ZC3H12B: variants seen among roughly 807,000 people sequenced by gnomAD.
ZC3H12B encodes zinc finger CCCH-type containing 12B.
In ZC3H12B, 7 loss-of-function variants were observed where a neutral mutation model predicts 43.9. The observed-to-expected ratio is 0.16, with a 90% confidence interval of 0.09 to 0.30. The LOEUF (loss-of-function observed/expected upper bound fraction) is 0.30. Ranked by LOEUF, ZC3H12B falls within the 10% of genes least tolerant of loss-of-function variation. The pLI is 1.00. For synonymous variants in ZC3H12B, 222 were observed against 241.7 expected (o/e 0.92, Z 0.76); for missense variants, 475 against 670.2 (o/e 0.71, Z 3.22).
At chrX:65,164,492 T>C in the ZC3H12B span, among the ~76,000 whole-genome samples, 2 of 111,398 alleles carry the variant, frequency 1.8e-5, no homozygotes, top group South Asian at 3.7e-4. Context: ...GATTCTAACT[T>C]TTTTGCCCAT....
the ZC3H12B span, among the ~76,000 whole-genome samples, chrX:65,317,869 A>G: frequency 9.7e-6 from 1 of 102,796 alleles, no homozygotes; most frequent in Non-Finnish European, 2.0e-5. Context: ...ATATATATAT[A>G]CATATATATA....
Position 65,392,207 on chromosome X carries a change from C to A in ZC3H12B, n.296-6386C>A, listed in dbSNP as rs766271622. Among the ~76,000 whole-genome samples, 7 of 111,075 alleles carry A rather than the reference C, an allele frequency of 6.3e-5. No individual in the cohort carries two copies. In the East Asian group the frequency reaches 1.4e-3, roughly 23 times the overall value. Reference sequence around the variant, plus strand: ...GCCACCCCGTCTAGGAAGTGAGGAGCGTCTCTGCCTGTCCACCAATCATCT... The same window carrying A: ...GCCACCCCGTCTAGGAAGTGAGGAGAGTCTCTGCCTGTCCACCAATCATCT... On this transcript the variant is annotated intron_variant and non_coding_transcript_variant, in intron 2 of 5. Transcript: ENST00000617377.
At chrX:65,170,668 C>A in the ZC3H12B span, among the ~76,000 whole-genome samples, 1 of 111,889 alleles carries the variant, frequency 8.9e-6, no homozygotes, top group Non-Finnish European at 1.9e-5. Context: ...CTTTCAGGTA[C>A]ACCAATGAGA....
chrX:65,448,394 T>A (rs974413152), intron 3 of ZC3H12B, among the ~76,000 whole-genome samples: 4 of 112,207 alleles, frequency 3.6e-5, no homozygotes, highest in Non-Finnish European at 7.5e-5. Context: ...CTACAGGGTA[T>A]CTACCCCTTC....
chrX:65,120,611 T>C, the ZC3H12B span, among the ~76,000 whole-genome samples: 2 of 111,450 alleles, frequency 1.8e-5, no homozygotes, highest in Non-Finnish European at 3.8e-5. Context: ...CAATTTGACT[T>C]CCTTTTTTCC....
At chrX:65,052,991 A>G in the ZC3H12B span, among the ~76,000 whole-genome samples, 1 of 111,501 alleles carries the variant, frequency 9.0e-6, no homozygotes, top group Non-Finnish European at 1.9e-5. Flanking sequence ...GTAAGATAAT[A>G]TTTCCTTATA....
At chrX:65,153,460 C>T in the ZC3H12B span, among the ~76,000 whole-genome samples, 2 of 112,221 alleles carry the variant, frequency 1.8e-5, 1 homozygote, top group Admixed American at 1.9e-4. Flanking sequence ...ATTTATGCAG[C>T]CAAAAAACAC....
At chrX:65,100,523 C>A in the ZC3H12B span, among the ~76,000 whole-genome samples, 2 of 48,763 alleles carry the variant, frequency 4.1e-5, no homozygotes, top group Non-Finnish European at 7.1e-5. Context: ...TACATAGGCT[C>A]AAAATAAAGG....
At chrX:65,332,925 G>C in the ZC3H12B span, among the ~76,000 whole-genome samples, 1 of 112,064 alleles carries the variant, frequency 8.9e-6, no homozygotes, top group African/African-American at 3.2e-5. Flanking sequence ...ATTTGTATAA[G>C]TGCAGCAAGA....
the ZC3H12B span, among the ~76,000 whole-genome samples, chrX:65,320,418 C>T: frequency 1.8e-5 from 2 of 111,924 alleles, no homozygotes; most frequent in African/African-American, 3.3e-5. Context: ...AATGGAGACA[C>T]ATTCCATGCT....
At chrX:65,256,648 C>T in the ZC3H12B span, among the ~76,000 whole-genome samples, 4 of 111,220 alleles carry the variant, frequency 3.6e-5, no homozygotes, top group Non-Finnish European at 7.5e-5. Context: ...CAAGAGCCAA[C>T]CAACCCCCAA....
the ZC3H12B span, among the ~76,000 whole-genome samples, chrX:65,123,774 A>T: frequency 1.0e-5 from 1 of 96,991 alleles, no homozygotes; most frequent in African/African-American, 3.8e-5. Flanking sequence ...GTTGAGTTAT[A>T]GATTTGATTT....
At chrX:65,157,346 T>C in the ZC3H12B span, among the ~76,000 whole-genome samples, 1 of 112,534 alleles carries the variant, frequency 8.9e-6, no homozygotes, top group Non-Finnish European at 1.9e-5. Context: ...AACATCTTAA[T>C]TTTCAGCCTT....
chrX:65,120,059 A>G, the ZC3H12B span, among the ~76,000 whole-genome samples: 1 of 111,851 alleles, frequency 8.9e-6, no homozygotes, highest in East Asian at 2.8e-4. Flanking sequence ...GCCTTGTAGT[A>G]TAGTTTGAAG....
At chrX:65,416,325 T>C (rs2066959642) in intron 3 of ZC3H12B, among the ~76,000 whole-genome samples, 1 of 111,617 alleles carries the variant, frequency 9.0e-6, no homozygotes, top group African/African-American at 3.3e-5. Flanking sequence ...CTTCTTGCTG[T>C]TACTGGTATA....
intron 2 of ZC3H12B, among the ~76,000 whole-genome samples, chrX:65,389,077 G>A (rs1181041617): frequency 1.8e-5 from 2 of 112,189 alleles, no homozygotes; most frequent in African/African-American, 6.5e-5. Context: ...TAGGCTACTT[G>A]GGGTTCAGGG....
the ZC3H12B span, among the ~76,000 whole-genome samples, chrX:65,232,353 T>A: frequency 8.9e-6 from 1 of 111,935 alleles, no homozygotes; most frequent in African/African-American, 3.3e-5. Flanking sequence ...TCTTCTGCCA[T>A]GGCTTCAGCT....
At chrX:65,203,261 C>T in the ZC3H12B span, among the ~76,000 whole-genome samples, 2 of 111,886 alleles carry the variant, frequency 1.8e-5, no homozygotes, top group Non-Finnish European at 1.9e-5. Context: ...AGACAAAGTC[C>T]CGTTTACTTT....
At chrX:65,443,751 T>TA in intron 3 of ZC3H12B, among the ~76,000 whole-genome samples, 1 of 112,564 alleles carries the variant, frequency 8.9e-6, no homozygotes, top group Non-Finnish European at 1.9e-5. Context: ...GTTTGGGTGT[T>TA]ATGGCCATTA....
Sources: gnomAD v4.1 joint callset for allele counts (sites outside exome capture counted in the v4.1 genomes callset) on GRCh38, gnomAD v4.1.1 for gene constraint, MANE v1.5 for transcripts, NCBI Gene and HGNC (gene_info 2026-07-23, HGNC 2026-07-21) for gene names.